Variants in EHD2 observed in about 807,000 individuals in gnomAD.
EHD2 encodes EH domain-containing protein 2.
In EHD2, 27 loss-of-function variants were observed where a neutral mutation model predicts 41.0. The observed-to-expected ratio is 0.66, with a 90% CI of 0.49 to 0.91. The LOEUF is 0.91. Ranked by LOEUF, EHD2 falls within the 40% of genes least tolerant of loss-of-function variation. The pLI, the probability that EHD2 is intolerant of heterozygous loss-of-function variation, is 0.00. For missense variants in EHD2, 673 were observed against 773.9 expected (o/e 0.87, Z 1.55); for synonymous variants, 342 against 341.0 (o/e 1.00, Z -0.03).
intron 4 of EHD2, among the ~76,000 whole-genome samples, chr19:47,735,503 C>A (rs1016298598): frequency 6.6e-6 from 1 of 151,948 alleles, no homozygotes; most frequent in African/African-American, 2.4e-5. Flanking sequence ...GAGGCTGAGG[C>A]GGGAGGATCC....
chr19:47,739,896 G>A (rs1421161308), intron 5 of EHD2, among the ~76,000 whole-genome samples: 1 of 152,098 alleles, frequency 6.6e-6, no homozygotes, highest in African/African-American at 2.4e-5. Context: ...CTGCTAGCTG[G>A]CAAAGGGCCG....
intron 2 of EHD2, among the ~76,000 whole-genome samples, chr19:47,717,234 A>G (rs903251375): frequency 4.7e-4 from 72 of 152,168 alleles, no homozygotes; most frequent in African/African-American, 1.7e-3. Context: ...TATTAGGTAC[A>G]GTTGGGGTTT....
At position 47,728,479 on chromosome 19, in the gene EHD2, T is replaced by A. The variant is rs185956458; in HGVS notation, c.915+2255T>A. ...TTCTTTACCCTAACCCTGTTGTCCTTTCCTTTCCTTTCTTCTCCTCTCCTC... is the reference window on the plus strand; with the variant it reads ...TTCTTTACCCTAACCCTGTTGTCCTATCCTTTCCTTTCTTCTCCTCTCCTC... On this transcript the variant is annotated intron_variant, in intron 4 of 5. Coordinates refer to ENST00000263277, the MANE Select transcript of EHD2 (RefSeq NM_014601.4). Among the ~76,000 whole-genome samples, 26 of 152,048 alleles carry A rather than the reference T, an allele frequency of 1.7e-4. No individual in the cohort carries two copies. In the East Asian group the frequency reaches 4.3e-3, roughly 25 times the overall value.
At chr19:47,717,063 T>A in intron 2 of EHD2, 47 bp downstream of exon 2, 2 of 1,596,608 alleles carry the variant, frequency 1.3e-6, no homozygotes, top group Non-Finnish European at 1.7e-6. Flanking sequence ...TTCTTTTTGT[T>A]AAGACAGAGT....
chr19:47,736,622 G>C (rs1166697005), intron 5 of EHD2, 89 bp downstream of exon 5: 3 of 1,412,866 alleles, frequency 2.1e-6, no homozygotes, highest in Non-Finnish European at 2.8e-6. Context: ...AAAAGCCAGA[G>C]GGATGGATGG....
chr19:47,731,314 A>ATACATATAT (rs1160770476), intron 4 of EHD2: 2 of 113,986 alleles, frequency 1.8e-5, no homozygotes, highest in Non-Finnish European at 3.9e-5. Context: ...ATATATATAT[A>ATACATATAT]ATTTTTTTTT....
chr19:47,741,378 G>A lies in EHD2; in HGVS notation c.1578G>A (p.Leu526=), dbSNP rs534913286. 2 of 1,603,234 alleles carry A rather than the reference G, an allele frequency of 1.2e-6. No individual in the cohort carries two copies. Among genetic ancestry groups the A allele is most frequent in the South Asian group, 1.1e-5 (1 of 90,654 alleles). Residue 526 remains leucine (L), a synonymous_variant, in exon 6 of 6, where the codon CTG becomes CTA. Coordinates refer to ENST00000263277, the MANE Select transcript of EHD2 (RefSeq NM_014601.4). This position sits in a 1 kb window ranked among gnomAD's most constrained non-coding sequence, Gnocchi z 4.5. ...KLEGHGLPAN[L]PRRLVPPSKR... ...AAGGCCACGGGCTGCCCGCCAACCT[G>A]CCCCGTCGCCTGGTGCCACCCTCCA...
At chr19:47,736,159 G>A (rs1388368167) in intron 4 of EHD2, among the ~76,000 whole-genome samples, 1 of 152,164 alleles carries the variant, frequency 6.6e-6, no homozygotes. Context: ...TTGTGCTACT[G>A]CACTCCAGCC....
chr19:47,731,314 A>ATACATATATATATATGTGTAT (rs1160770476), intron 4 of EHD2: 1 of 113,992 alleles, frequency 8.8e-6, no homozygotes, highest in African/African-American at 2.8e-5. Context: ...ATATATATAT[A>ATACATATATATATATGTGTAT]ATTTTTTTTT....
rs547635108 is a variant in EHD2 at position 47,741,589 on chromosome 19, G to T, written c.*157G>T. On this transcript the variant is annotated 3_prime_UTR_variant, in exon 6 of 6. Coordinates refer to ENST00000263277, the MANE Select transcript of EHD2 (RefSeq NM_014601.4). This position sits in a 1 kb window ranked among gnomAD's most constrained non-coding sequence, Gnocchi z 4.5. The stretch of plus-strand genomic sequence containing the variant: ...ACTACCGCCAGACACCCCGGTGGAA[G>T]CATTTAGAGGGGACCACGGGAGGGA... The T allele has an allele frequency of 5.9e-6, 5 of 847,528 alleles. No homozygotes were observed. Among genetic ancestry groups the T allele is most frequent in the Non-Finnish European group, 7.1e-6 (4 of 559,960 alleles). 52.5% of individuals were successfully genotyped at this position (847,528 alleles called of 1,614,324 possible).
chr19:47,723,233 C>T (rs751166792), intron 3 of EHD2, among the ~76,000 whole-genome samples: 6 of 152,200 alleles, frequency 3.9e-5, no homozygotes, highest in Non-Finnish European at 8.8e-5. Context: ...CCTCAGCCTC[C>T]ACACACACAG....
rs745800267 is a variant in EHD2 at position 47,716,569 on chromosome 19, T to A, written c.-44T>A. 9 of 1,454,100 alleles carry A rather than the reference T, an allele frequency of 6.2e-6. No individual in the cohort carries two copies. Among genetic ancestry groups the A allele is most frequent in the African/African-American group, 5.7e-5 (4 of 70,528 alleles). The allele number at this position is 1,454,100 out of a possible 1,614,324, so 90.1% of individuals were successfully genotyped here. On this transcript the variant is annotated 5_prime_UTR_variant, in exon 2 of 6. Coordinates refer to ENST00000263277, the MANE Select transcript of EHD2 (RefSeq NM_014601.4). ...TCCCCCTCCCACAGGCAGCTCTCCA[T>A]CTGCACGTCTCTCCGTGAACCCCGT... is the stretch of plus-strand genomic sequence containing the variant.
chr19:47,734,082 TG>T (rs2123655313), intron 4 of EHD2, among the ~76,000 whole-genome samples: 1 of 152,280 alleles, frequency 6.6e-6, no homozygotes, highest in South Asian at 2.1e-4. Flanking sequence ...GATGGGGAGC[TG>T]GGAGACCTGT....
At chr19:47,718,452 G>C (rs112771125) in intron 2 of EHD2, 57 bp from the exon 3 acceptor site, 10 of 1,445,346 alleles carry the variant, frequency 6.9e-6, no homozygotes, top group Middle Eastern at 1.7e-4. Context: ...TGTTTTCTTC[G>C]TGTTTTCCCT....
Position 47,741,063 on chromosome 19 carries a change from G to A in EHD2, c.1263G>A (p.Pro421=), listed in dbSNP as rs761154588. The A allele has an allele frequency of 5.6e-6, 9 of 1,609,348 alleles. No individual in the cohort carries two copies. The highest frequency in any genetic ancestry group is 2.2e-5 in the South Asian group (2 of 91,072). ...GGAFEGTHMG[P]FVERGPDEAM... ...CTTTTGAGGGCACCCACATGGGCCC[G>A]TTTGTGGAGCGGGGACCTGACGAGG... is the stretch of plus-strand genomic sequence containing the variant. The change falls in exon 6 of 6, where the codon CCG becomes CCA. Residue 421 remains proline, a synonymous_variant. Transcript: ENST00000263277. This position sits in a 1 kb window ranked among gnomAD's most constrained non-coding sequence, Gnocchi z 4.5.
At chr19:47,729,932 GCCT>G (rs60110535) in intron 4 of EHD2, among the ~76,000 whole-genome samples, 3,774 of 151,308 alleles carry the variant, frequency 0.025, 141 homozygotes, top group African/African-American at 0.084. Context: ...TTCTCGCTCT[GCCT>G]CCTCCTGTCT....
rs34254815 is a variant in EHD2, at chr19:47,733,751, C to CAAAAAAAA, written c.916-2601_916-2594dup. On this transcript the variant is annotated intron_variant, in intron 4 of 5. Coordinates refer to ENST00000263277, the MANE Select transcript of EHD2 (RefSeq NM_014601.4). The stretch of plus-strand genomic sequence containing the variant: ...TGGGTGACAGAGCAAGACTCTGTCT[C>CAAAAAAAA]AAAAAAAAAAAAAAAAAAAAAAAAT... Among the ~76,000 whole-genome samples the CAAAAAAAA allele has an allele frequency of 3.7e-3, 214 of 57,106 alleles. 11 individuals are homozygous for CAAAAAAAA. The highest frequency in any genetic ancestry group is 0.012 in the African/African-American group (209 of 17,522). The allele number at this position is 57,106 out of a possible 152,430, so 37.5% of individuals were successfully genotyped here. A position where few individuals can be genotyped will look rare whatever the true frequency, so the allele number is the denominator to read the frequency against.
intron 4 of EHD2, among the ~76,000 whole-genome samples, chr19:47,735,866 T>A (rs1046236898): frequency 1.4e-5 from 2 of 148,138 alleles, no homozygotes; most frequent in African/African-American, 5.0e-5. Flanking sequence ...ATTGCACCAC[T>A]GCACTCCAGC....
chr19:47,713,834 C>A (rs915489222), intron 1 of EHD2, among the ~76,000 whole-genome samples: 1 of 151,948 alleles, frequency 6.6e-6, no homozygotes, highest in Admixed American at 6.6e-5. Flanking sequence ...GAGATCCTCT[C>A]TGCAGGGTCT....
Sources: allele counts gnomAD v4.1 joint callset (sites outside exome capture counted in the v4.1 genomes callset), GRCh38; gene constraint gnomAD v4.1.1; non-coding constraint Gnocchi (gnomAD v3.1); transcripts MANE v1.5; gene names NCBI Gene and HGNC (gene_info 2026-07-23, HGNC 2026-07-21).